Variants in ADCY6 observed in about 807,000 individuals in gnomAD.
ADCY6 encodes the protein adenylate cyclase type 6.
In ADCY6, 59 loss-of-function variants were observed where a neutral mutation model predicts 111.6. The observed-to-expected ratio is 0.53, with a 90% CI of 0.43 to 0.66. The LOEUF (loss-of-function observed/expected upper bound fraction) is 0.66, where lower values mean the gene tolerates loss of function less well. Among genes scored for constraint, ADCY6 ranks in the 30% least tolerant of loss-of-function variants. The pLI is 0.00. For synonymous variants in ADCY6, 576 were observed against 642.9 expected, an observed-to-expected ratio of 0.90 and a Z score of 1.57; for missense variants, 1,242 against 1,595.6, an observed-to-expected ratio of 0.78 and a Z score of 3.78.
In ADCY6 at chr12:48,774,078, G is replaced by A; in HGVS notation, c.2304C>T (p.Pro768=). ...IANMFTCNHT[P]IRSCAARMLN... Reference sequence around the variant, plus strand: ...GCATCCGGGCTGCACAGCTCCGTATGGGGGTGTGGTTACAGGTGAACTGCA... The same window carrying A: ...GCATCCGGGCTGCACAGCTCCGTATAGGGGTGTGGTTACAGGTGAACTGCA... The change falls in exon 15 of 22, where the codon CCC becomes CCT. Residue 768 remains proline, a synonymous_variant. Transcript: ENST00000357869. 6.2e-7 allele frequency: 1 copy of A among 1,610,292 alleles called. No homozygotes were observed. The highest frequency in any genetic ancestry group is 8.5e-7 in the Non-Finnish European group (1 of 1,178,104).
At chr12:48,781,468 C>A (rs1941843409) in intron 2 of ADCY6, among the ~76,000 whole-genome samples, 1 of 152,182 alleles carries the variant, frequency 6.6e-6, no homozygotes, top group South Asian at 2.1e-4. Context: ...GGACCCTGGC[C>A]TCTGCTCCCT....
Position 48,773,475 on chromosome 12 carries a change from TG to T in ADCY6, c.2614del (p.His872MetfsTer26). On this transcript the variant is annotated frameshift_variant, in exon 16 of 22. Transcript: ENST00000357869. LOFTEE classifies it high-confidence loss of function. The stretch of plus-strand genomic sequence containing the variant: ...GACCTGAGAATAAACTCACAAGCCA[TG>T]GACGCCAAGCAGTAGGTCATAGTTG... ...FDNYDLLLGVHGLASSNETFD... is the reference protein window; with the variant it reads ...FDNYDLLLGVXGLASSNETFD... 7 of 1,613,570 alleles carry T rather than the reference TG, an allele frequency of 4.3e-6. No individual in the cohort carries two copies. The highest frequency in any genetic ancestry group is 5.9e-6 in the Non-Finnish European group (7 of 1,179,720).
At chr12:48,772,110 A>G (rs1941564752) in intron 18 of ADCY6, 137 bp from the exon 19 acceptor site, 2 of 1,378,886 alleles carry the variant, frequency 1.5e-6, no homozygotes, top group East Asian at 4.8e-5. Flanking sequence ...AAGAACAGGC[A>G]AAGGGGTAAA....
chr12:48,783,584 T>C (rs1355954843), intron 1 of ADCY6, 146 bp from the exon 2 acceptor site: 2 of 1,477,020 alleles, frequency 1.4e-6, no homozygotes, highest in Admixed American at 2.5e-5. Flanking sequence ...ATAAAATTAC[T>C]TGGAGGTAGG....
intron 10 of ADCY6, 36 bp downstream of exon 10, chr12:48,775,637 G>A (rs1941676979): frequency 6.2e-7 from 1 of 1,604,452 alleles, no homozygotes; most frequent in East Asian, 2.2e-5. Flanking sequence ...ATCCCAGGGT[G>A]CAAGTGCCTT....
At chr12:48,770,393 A>C (rs1451096711) in intron 20 of ADCY6, among the ~76,000 whole-genome samples, 1 of 152,102 alleles carries the variant, frequency 6.6e-6, no homozygotes, top group Non-Finnish European at 1.5e-5. Flanking sequence ...AGTTCATTTG[A>C]GAGGAAATAC....
At chr12:48,789,111 T>A (rs1409427928), upstream of ADCY6, 1 of 150,308 alleles carries the variant, frequency 6.7e-6, no homozygotes, top group Non-Finnish European at 1.5e-5. Context: ...AGAAGTCCCC[T>A]CCCCGCTGGC....
rs561515432 is a variant in ADCY6, at chr12:48,774,098, A to C, written c.2284T>G (p.Phe762Val). ...CGTATGGGGGTGTGGTTACAGGTGA[A>C]CTGCAAAAGTGGAGGGGTATATCAG... ...LVFTSAIANM[F>V]TCNHTPIRSC... Residue 762 changes from phenylalanine to valine, a missense_variant and splice_region_variant, in exon 15 of 22, where the codon TTC (phenylalanine) becomes GTC (valine). Phe to Val is a conservative substitution (Grantham distance 50). Around this residue, in one of 4 missense-constraint regions of ADCY6, gnomAD observed 375 missense variants for 432.5 expected, o/e 0.87. Coordinates refer to ENST00000357869, the MANE Select transcript of ADCY6 (RefSeq NM_015270.5). The C allele has an allele frequency of 6.2e-7, 1 of 1,606,142 alleles. No individual in the cohort carries two copies. The highest frequency in any genetic ancestry group is 1.3e-5 in the African/African-American group (1 of 74,914).
Position 48,777,292 on chromosome 12 carries a change from T to C in ADCY6, c.1249-61A>G, listed in dbSNP as rs920474061. 1.9e-6 allele frequency: 3 copies of C among 1,594,106 alleles called. No individual in the cohort carries two copies. In the African/African-American group the frequency reaches 4.0e-5, roughly 21 times the overall value. ...TACTCTCTTGCCCACCCAGCCTGCA[T>C]GGCCCACCACCCTCCACGCATACTC... On this transcript the variant is annotated intron_variant, in intron 5 of 21. Transcript: ENST00000357869. The surrounding 1 kb of genome is among the most constrained non-coding windows in gnomAD (Gnocchi z 4.9).
chr12:48,777,169 C>A lies in ADCY6; in HGVS notation c.1311G>T (p.Pro437=), dbSNP rs147469347. The A allele has an allele frequency of 2.5e-4, 396 of 1,613,980 alleles. 2 individuals carry two copies. In the African/African-American group the frequency reaches 4.5e-3, roughly 19 times the overall value. Residue 437 remains proline (P), a synonymous_variant, in exon 6 of 22, where the codon CCG becomes CCT. Coordinates refer to ENST00000357869, the MANE Select transcript of ADCY6 (RefSeq NM_015270.5). This position sits in a 1 kb window ranked among gnomAD's most constrained non-coding sequence, Gnocchi z 4.9. ...AGTGGGCATGGTCGGCCCGGGCCTC[C>A]GGCAGCCCTGACACACAGTAGTAAC... is the stretch of plus-strand genomic sequence containing the variant. ...GDCYYCVSGL[P]EARADHAHCC... is the part of the protein sequence containing the mutation.
Position 48,776,009 on chromosome 12 carries a change from T to A in ADCY6, c.1760A>T (p.Asp587Val). Residue 587 changes from aspartate (D) to valine (V), a missense_variant, in exon 9 of 22, where the codon GAT becomes GTT. By Grantham distance (152) the Asp-to-Val change is radical (BLOSUM62 -3). Transcript: ENST00000357869. This position sits in a 1 kb window ranked among gnomAD's most constrained non-coding sequence, Gnocchi z 6.1. Reference sequence around the variant, plus strand: ...GTCCTTGGTCCGGGAGAAGGCACGATCAGGAACCCAGCGCGGCATCAGCCC... The same window carrying A: ...GTCCTTGGTCCGGGAGAAGGCACGAACAGGAACCCAGCGCGGCATCAGCCC... ...MEGLMPRWVP[D>V]RAFSRTKDSK... 3 of 1,612,524 alleles carry A rather than the reference T, an allele frequency of 1.9e-6. No homozygotes were observed. Among genetic ancestry groups the A allele is most frequent in the Non-Finnish European group, 2.5e-6 (3 of 1,179,258 alleles).
chr12:48,787,362 G>C (rs538015072), intron 1 of ADCY6, among the ~76,000 whole-genome samples: 20 of 152,056 alleles, frequency 1.3e-4, no homozygotes, highest in African/African-American at 4.8e-4. Context: ...ACAGAGAAAG[G>C]GGCAAATGCT....
Position 48,777,091 on chromosome 12 carries a change from G to A in ADCY6, c.1376+13C>T, listed in dbSNP as rs575944087. ...CGCAATTCCAGGAAGCCTAGGAATG[G>A]GGCACTGCTTACGAGATGGCCTCAA... is the stretch of plus-strand genomic sequence containing the variant. On this transcript the variant is annotated intron_variant, in intron 6 of 21. Transcript: ENST00000357869. The surrounding 1 kb of genome is among the most constrained non-coding windows in gnomAD (Gnocchi z 4.9). The A allele has an allele frequency of 3.2e-6, 5 of 1,579,302 alleles. No homozygotes were observed. The South Asian group carries it at 5.8e-5, about 18-fold the overall frequency.
rs750468832 is a variant in ADCY6, at chr12:48,778,134, G to A, written c.988C>T (p.His330Tyr). The change falls in exon 3 of 22, where the codon CAC (histidine) becomes TAC (tyrosine). Residue 330 changes from histidine to tyrosine, a missense_variant. This residue lies in a region of ADCY6 where 260 missense variants were observed against 414.6 expected (regional missense o/e 0.63). Transcript: ENST00000357869. ...TGCTGCCGATTCTCATGCTGCAGGT[G>A]GAGCCGGGCCTGGATGTAACCGCGG... is the stretch of plus-strand genomic sequence containing the variant. ...ETRGYIQARL[H>Y]LQHENRQQER... The A allele has an allele frequency of 6.2e-7, 1 of 1,612,728 alleles. No individual in the cohort carries two copies. The highest frequency in any genetic ancestry group is 8.5e-7 in the Non-Finnish European group (1 of 1,179,488).
intron 1 of ADCY6, among the ~76,000 whole-genome samples, chr12:48,786,561 C>G (rs1941983048): frequency 6.6e-6 from 1 of 152,136 alleles, no homozygotes; most frequent in African/African-American, 2.4e-5. Flanking sequence ...CAGGGTTTAA[C>G]CATGTTGGCC....
In ADCY6 at chr12:48,789,047, C is replaced by CCGCCA. The variant is rs1942037319; in HGVS notation, c.-147_-146insTGGCG. On this transcript the variant is annotated 5_prime_UTR_variant, in exon 1 of 22. Transcript: ENST00000357869. Reference sequence around the variant, plus strand: ...CGCCGTCCGCCGTCCGCCGTCCGCCCGGCCCTCGCCCCCTCCCGAGCTGTC... The same window carrying CCGCCA: ...CGCCGTCCGCCGTCCGCCGTCCGCCCCGCCAGGCCCTCGCCCCCTCCCGAGCTGTC... The CCGCCA allele has an allele frequency of 6.7e-6, 1 of 149,908 alleles. No individual in the cohort carries two copies. The highest frequency in any genetic ancestry group is 2.5e-5 in the African/African-American group (1 of 40,442). The allele number at this position is 149,908 out of a possible 1,614,324, so 9.3% of individuals were successfully genotyped here.
Position 48,772,520 on chromosome 12 carries a change from T to C in ADCY6, c.2645A>G (p.Asp882Gly). 6.2e-7 allele frequency: 1 copy of C among 1,614,128 alleles called. No individual in the cohort carries two copies. The highest frequency in any genetic ancestry group is 8.5e-7 in the Non-Finnish European group (1 of 1,180,012). ...AGCCCTCACTTACCAGTCCAGCCCA[T>C]CAAAGGTCTCATTGGAAGAAGCCCT... is the stretch of plus-strand genomic sequence containing the variant. ...HGLASSNETF[D>G]GLDCPAAGRV... The change falls in exon 17 of 22, where the codon GAT (aspartate) becomes GGT (glycine). Residue 882 changes from aspartate (D) to glycine (G), a missense_variant. Asp to Gly is a moderately conservative substitution (Grantham distance 94, BLOSUM62 -1). This residue lies in a region of ADCY6 where 375 missense variants were observed against 432.5 expected (regional missense o/e 0.87). Transcript: ENST00000357869.
At chr12:48,769,413 C>CAAAA (rs111727567) in intron 20 of ADCY6, among the ~76,000 whole-genome samples, 2 of 38,836 alleles carry the variant, frequency 5.1e-5, no homozygotes, top group African/African-American at 8.4e-5. Context: ...ATCCCCATCT[C>CAAAA]AAAAAAAAAA....
At chr12:48,772,851 G>A (rs946323536) in intron 16 of ADCY6, among the ~76,000 whole-genome samples, 5 of 152,164 alleles carry the variant, frequency 3.3e-5, no homozygotes, top group African/African-American at 1.2e-4. Flanking sequence ...CACAGTGCCT[G>A]CCATATAGTC....
Sources: allele counts gnomAD v4.1 joint callset (sites outside exome capture counted in the v4.1 genomes callset), GRCh38; gene constraint gnomAD v4.1.1; regional missense constraint gnomAD v4.1.1; non-coding constraint Gnocchi (gnomAD v3.1); transcripts MANE v1.5; gene names NCBI Gene and HGNC (gene_info 2026-07-23, HGNC 2026-07-21).